The following LYRM4 variants were observed in gnomAD, a reference collection of about 807,000 sequenced individuals.
LYRM4 encodes LYR motif containing 4, also known as LYR motif-containing protein 4.
A neutral mutation model predicts 11.7 loss-of-function variants in LYRM4; 9 were observed. That is an observed-to-expected ratio of 0.77 (90% CI 0.46 to 1.34). LYRM4 has a LOEUF of 1.34. LYRM4 is among the 40% of genes most tolerant of loss of function. The pLI, the probability that LYRM4 is intolerant of heterozygous loss-of-function variation, is 0.00. For missense variants in LYRM4, 133 were observed against 112.5 expected, an observed-to-expected ratio of 1.18 and a Z score of -0.82; for synonymous variants, 42 against 40.4, an observed-to-expected ratio of 1.04 and a Z score of -0.15.
intron 1 of LYRM4, among the ~76,000 whole-genome samples, chr6:5,256,445 G>A (rs866144055): frequency 1.4e-4 from 16 of 118,362 alleles, no homozygotes; most frequent in Admixed American, 6.0e-4. Context: ...AGCCAAGATC[G>A]CACCATTGCC....
At chr6:5,086,196 C>A in the LYRM4 span, 3 of 1,534,336 alleles carry the variant, frequency 2.0e-6, no homozygotes, top group Non-Finnish European at 2.6e-6. Flanking sequence ...AGGGCTCCGG[C>A]CGGGTGCTCA....
chr6:5,039,718 C>T, the LYRM4 span, among the ~76,000 whole-genome samples: 2 of 152,116 alleles, frequency 1.3e-5, no homozygotes, highest in East Asian at 3.8e-4. Flanking sequence ...ATAAGTCAAA[C>T]TCCCCACAGA....
At chr6:5,066,757 T>A in the LYRM4 span, 6 of 744,738 alleles carry the variant, frequency 8.1e-6, no homozygotes, top group East Asian at 9.9e-5. Flanking sequence ...CTCCGATTGG[T>A]TACGTAACGC....
At chr6:5,143,912 G>A (rs1335422719) in intron 2 of LYRM4, among the ~76,000 whole-genome samples, 1 of 152,226 alleles carries the variant, frequency 6.6e-6, no homozygotes, top group Non-Finnish European at 1.5e-5. Context: ...TTTGGATTCT[G>A]CTCAATGTTA....
At chr6:5,152,875 C>A (rs768786592) in intron 2 of LYRM4, among the ~76,000 whole-genome samples, 3 of 152,224 alleles carry the variant, frequency 2.0e-5, no homozygotes, top group Non-Finnish European at 4.4e-5. Context: ...GACAAACTTG[C>A]TGCCAGATGA....
chr6:5,054,042 G>C, the LYRM4 span: 1 of 743,572 alleles, frequency 1.3e-6, no homozygotes, highest in Non-Finnish European at 1.6e-6. Flanking sequence ...CTATTTACAG[G>C]GTACACAATG....
the LYRM4 span, chr6:5,089,584 A>G: frequency 1.3e-5 from 2 of 152,234 alleles, no homozygotes; most frequent in African/African-American, 2.4e-5. Flanking sequence ...AAGACTTTCT[A>G]TTCTGTCATA....
intron 1 of LYRM4, among the ~76,000 whole-genome samples, chr6:5,242,084 T>C (rs1047856848): frequency 6.6e-6 from 1 of 151,738 alleles, no homozygotes; most frequent in African/African-American, 2.4e-5. Flanking sequence ...CTTTTTTTTT[T>C]TTTTTTGAGA....
the LYRM4 span, among the ~76,000 whole-genome samples, chr6:5,076,486 A>G: frequency 6.6e-6 from 1 of 152,148 alleles, no homozygotes; most frequent in South Asian, 2.1e-4. Context: ...AAATTATTAT[A>G]ATAGTGTCTT....
chr6:5,159,855 T>C lies in LYRM4; in HGVS notation c.208-50364A>G, dbSNP rs201000258. Among the ~76,000 whole-genome samples the C allele has an allele frequency of 9.8e-5, 15 of 152,338 alleles. No homozygotes were observed. The East Asian group carries it at 1.9e-3, about 20-fold the overall frequency. ...AACACAGCTCTGCCCTCTTGACACA[T>C]GTGCACTGGCTTGGAATCTGCTTTA... On this transcript the variant is annotated intron_variant, in intron 2 of 2. Coordinates refer to ENST00000330636, the MANE Select transcript of LYRM4 (RefSeq NM_020408.6).
At chr6:5,141,554 A>C (rs1482111762) in intron 2 of LYRM4, among the ~76,000 whole-genome samples, 1 of 152,196 alleles carries the variant, frequency 6.6e-6, no homozygotes, top group African/African-American at 2.4e-5. Context: ...CATTATATCA[A>C]AACGCATACT....
intron 1 of LYRM4, among the ~76,000 whole-genome samples, chr6:5,259,758 G>T (rs571973978): frequency 5.5e-4 from 84 of 152,242 alleles, no homozygotes; most frequent in African/African-American, 1.9e-3. Flanking sequence ...TCTTTCTCAT[G>T]GGAATATGGC....
intron 2 of LYRM4, among the ~76,000 whole-genome samples, chr6:5,158,738 G>C (rs111945486): frequency 0.026 from 3,978 of 152,182 alleles, 105 homozygotes; most frequent in African/African-American, 0.07. Context: ...CTCCCAAAGT[G>C]TTGGGATTAG....
intron 2 of LYRM4, among the ~76,000 whole-genome samples, chr6:5,122,748 G>A (rs746923118): frequency 1.3e-5 from 2 of 152,236 alleles, no homozygotes; most frequent in Admixed American, 1.3e-4. Context: ...TCTGGCTCAT[G>A]CAAGAAATGG....
intron 2 of LYRM4, among the ~76,000 whole-genome samples, chr6:5,137,854 C>T (rs928030308): frequency 2.0e-5 from 3 of 152,156 alleles, no homozygotes; most frequent in Non-Finnish European, 4.4e-5. Flanking sequence ...TGGCCCACCA[C>T]CCAAATTATC....
At position 5,201,084 on chromosome 6, in the gene LYRM4, C is replaced by T. The variant is rs116622829; in HGVS notation, c.207+15534G>A. Among the ~76,000 whole-genome samples the T allele has an allele frequency of 6.4e-3, 970 of 152,074 alleles. 12 individuals carry two copies. The highest frequency in any genetic ancestry group is 0.044 in the South Asian group (211 of 4,808). ...TGAGATTGGTTATGGTTTTTCTTTC[C>T]AAATATTACAAGTGCTTAGATAATG... On this transcript the variant is annotated intron_variant, in intron 2 of 2. Coordinates refer to ENST00000330636, the MANE Select transcript of LYRM4 (RefSeq NM_020408.6).
chr6:5,246,637 T>A (rs1764210082), intron 1 of LYRM4, among the ~76,000 whole-genome samples: 1 of 151,816 alleles, frequency 6.6e-6, no homozygotes, highest in African/African-American at 2.4e-5. Flanking sequence ...GTGAAGGTAG[T>A]GAGGGTGAAG....
chr6:5,237,516 G>C (rs1022726105), intron 1 of LYRM4, among the ~76,000 whole-genome samples: 2 of 152,032 alleles, frequency 1.3e-5, no homozygotes, highest in Non-Finnish European at 2.9e-5. Flanking sequence ...CACAATAAAT[G>C]TAATGTGCTT....
chr6:5,242,765 T>G (rs1581587162), intron 1 of LYRM4, among the ~76,000 whole-genome samples: 1 of 132,068 alleles, frequency 7.6e-6, no homozygotes, highest in South Asian at 2.2e-4. Flanking sequence ...GGATTTCTGC[T>G]CTTTTTTTTT....
Sources: gnomAD v4.1 joint callset for allele counts (sites outside exome capture counted in the v4.1 genomes callset) on GRCh38, gnomAD v4.1.1 for gene constraint, MANE v1.5 for transcripts, NCBI Gene and HGNC (gene_info 2026-07-23, HGNC 2026-07-21) for gene names.